Variants in RREB1 observed in about 807,000 individuals in gnomAD.
The protein encoded by RREB1 is ras-responsive element-binding protein 1.
Under a neutral mutation model 117.8 loss-of-function variants are expected in RREB1, and 27 were observed. That is an observed-to-expected ratio of 0.23 (90% CI 0.17 to 0.32). RREB1 has a LOEUF of 0.32. Among genes scored for constraint, RREB1 ranks in the 10% least tolerant of loss-of-function variants. The probability of loss-of-function intolerance (pLI) is 1.00; values close to 1 mark genes in which losing one functional copy is unlikely to be tolerated. For synonymous variants in RREB1, 1,298 were observed against 1,026.7 expected (o/e 1.26, Z -5.05); for missense variants, 2,577 against 2,378.2 (o/e 1.08, Z -1.74).
intron 12 of RREB1, among the ~76,000 whole-genome samples, 187 bp from the exon 13 acceptor site, chr6:7,248,324 C>T (rs547172106): frequency 6.6e-6 from 1 of 152,204 alleles, no homozygotes; most frequent in Non-Finnish European, 1.5e-5. Flanking sequence ...AGACTGACAG[C>T]TTGAACCAGC....
intron 1 of RREB1, among the ~76,000 whole-genome samples, chr6:7,115,358 C>G (rs370774483): frequency 6.7e-6 from 1 of 149,024 alleles, no homozygotes. Flanking sequence ...CCTTCCCCCC[C>G]ACCCCCCAGC....
At chr6:7,128,052 C>A (rs768262092) in intron 1 of RREB1, among the ~76,000 whole-genome samples, 2 of 152,026 alleles carry the variant, frequency 1.3e-5, no homozygotes, top group Non-Finnish European at 2.9e-5. Context: ...TTTTCAGAGT[C>A]CTCTGGGGAA....
chr6:7,226,574 A>G lies in RREB1; in HGVS notation c.815A>G (p.Gln272Arg). ...PRDAMGRPFI[Q>R]NNPSIPAGFH... Reference sequence around the variant, plus strand: ...GATGCAATGGGCAGACCTTTCATACAGAACAACCCTTCAATTCCTGCTGGC... The same window carrying G: ...GATGCAATGGGCAGACCTTTCATACGGAACAACCCTTCAATTCCTGCTGGC... The change falls in exon 9 of 13, where the codon CAG becomes CGG. Residue 272 changes from glutamine (Q) to arginine (R), a missense_variant. By Grantham distance (43) the Gln-to-Arg change is conservative. Coordinates refer to ENST00000379938, the MANE Select transcript of RREB1 (RefSeq NM_001003699.4). 2 of 1,614,198 alleles carry G rather than the reference A, an allele frequency of 1.2e-6. No individual in the cohort carries two copies. Among genetic ancestry groups the G allele is most frequent in the Non-Finnish European group, 1.7e-6 (2 of 1,180,026 alleles).
intron 8 of RREB1, among the ~76,000 whole-genome samples, chr6:7,225,932 C>T (rs1261680952): frequency 6.6e-6 from 1 of 152,102 alleles, no homozygotes; most frequent in Non-Finnish European, 1.5e-5. Context: ...ATGCTAATAC[C>T]ACAACTTAAT....
At chr6:7,117,388 G>GTTTTTTTTTTTTTTTTTTTTT (rs70978941) in intron 1 of RREB1, among the ~76,000 whole-genome samples, 6 of 63,290 alleles carry the variant, frequency 9.5e-5, no homozygotes, top group Non-Finnish European at 1.6e-4. Context: ...TAGGTTTCCT[G>GTTTTTTTTTTTTTTTTTTTTT]TTTTTTTTTT....
intron 10 of RREB1, among the ~76,000 whole-genome samples, chr6:7,233,481 A>T (rs750108466): frequency 9.9e-5 from 15 of 152,240 alleles, no homozygotes; most frequent in Non-Finnish European, 1.8e-4. Flanking sequence ...ATGGTACTGG[A>T]TTGGTGAATA....
chr6:7,151,453 C>A (rs551971268), intron 1 of RREB1, among the ~76,000 whole-genome samples: 307 of 152,328 alleles, frequency 2.0e-3, no homozygotes, highest in Middle Eastern at 0.01. Context: ...CAGGCCCTGG[C>A]AACCTCTGTG....
intron 1 of RREB1, among the ~76,000 whole-genome samples, chr6:7,149,067 C>T (rs901281663): frequency 1.3e-5 from 2 of 152,032 alleles, no homozygotes; most frequent in Non-Finnish European, 2.9e-5. Flanking sequence ...GGACTAGAGG[C>T]GCGTGCTACC....
At chr6:7,126,485 T>G (rs1415354398) in intron 1 of RREB1, among the ~76,000 whole-genome samples, 1 of 151,052 alleles carries the variant, frequency 6.6e-6, no homozygotes, top group Non-Finnish European at 1.5e-5. Flanking sequence ...GTCAGGCTGG[T>G]CTTAAACTCC....
At chr6:7,248,441 TGTGCAGAGCAGG>T in intron 12 of RREB1, 58 bp from the exon 13 acceptor site, 1 of 1,357,552 alleles carries the variant, frequency 7.4e-7, no homozygotes, top group Non-Finnish European at 1.0e-6. Flanking sequence ...TCATTCTTCC[TGTGCAGAGCAGG>T]GTGCAGTGGG....
Position 7,230,014 on chromosome 6 carries a change from C to T in RREB1, c.1915C>T (p.Arg639Cys), listed in dbSNP as rs1471367167. ...APGGKKTPAM[R>C]KVLYPCRFCN... ...CGGCGGCAAGAAGACGCCCGCCATG[C>T]GCAAGGTGCTCTACCCCTGCCGCTT... The change falls in exon 10 of 13, where the codon CGC (arginine) becomes TGC (cysteine). Residue 639 changes from arginine to cysteine, a missense_variant. Arg to Cys is a radical substitution (Grantham distance 180). Coordinates refer to ENST00000379938, the MANE Select transcript of RREB1 (RefSeq NM_001003699.4). The T allele has an allele frequency of 2.5e-6, 4 of 1,609,968 alleles. No individual in the cohort carries two copies. Among genetic ancestry groups the T allele is most frequent in the Non-Finnish European group, 1.7e-6 (2 of 1,177,330 alleles).
chr6:7,211,924 T>C lies in RREB1; in HGVS notation c.707+215T>C, dbSNP rs1211898743. Reference sequence around the variant, plus strand: ...CACAGGGTGTTCACATGGTTCACTGTGCCTTCTTTCTCTCAGCAAAGCCCC... The same window carrying C: ...CACAGGGTGTTCACATGGTTCACTGCGCCTTCTTTCTCTCAGCAAAGCCCC... On this transcript the variant is annotated intron_variant, in intron 8 of 12. Coordinates refer to ENST00000379938, the MANE Select transcript of RREB1 (RefSeq NM_001003699.4). The C allele has an allele frequency of 7.1e-6, 4 of 565,316 alleles. 1 individual carries two copies. The East Asian group carries it at 1.2e-4, about 17-fold the overall frequency. The allele number at this position is 565,316 out of a possible 1,614,324, so 35.0% of individuals were successfully genotyped here. A position where few individuals can be genotyped will look rare whatever the true frequency, so the allele number is the denominator to read the frequency against.
At chr6:7,190,652 G>C (rs1051307618) in intron 6 of RREB1, among the ~76,000 whole-genome samples, 2 of 152,186 alleles carry the variant, frequency 1.3e-5, no homozygotes, top group Non-Finnish European at 1.5e-5. Flanking sequence ...CAAAGGAATT[G>C]AATAGTGTTA....
At chr6:7,148,898 G>A (rs140136650) in intron 1 of RREB1, among the ~76,000 whole-genome samples, 53 of 152,228 alleles carry the variant, frequency 3.5e-4, no homozygotes, top group Non-Finnish European at 7.2e-4. Flanking sequence ...TTCAGATGAT[G>A]TCCAAATACC....
intron 6 of RREB1, among the ~76,000 whole-genome samples, chr6:7,196,218 G>GTTTTTTTTTTTGTTTTTTTTTTT (rs1765661799): frequency 7.4e-5 from 9 of 121,448 alleles, no homozygotes; most frequent in Non-Finnish European, 1.2e-4. Flanking sequence ...TTTTTTTTTC[G>GTTTTTTTTTTTGTTTTTTTTTTT]TTTTTTTTTT....
In RREB1 at chr6:7,236,349, C is replaced by T. The variant is rs182030585; in HGVS notation, c.3809-4089C>T. Among the ~76,000 whole-genome samples, 5 of 152,152 alleles carry T rather than the reference C, an allele frequency of 3.3e-5. No homozygotes were observed. The East Asian group carries it at 7.7e-4, about 23-fold the overall frequency. On this transcript the variant is annotated intron_variant, in intron 10 of 12. Coordinates refer to ENST00000379938, the MANE Select transcript of RREB1 (RefSeq NM_001003699.4). The stretch of plus-strand genomic sequence containing the variant: ...GGTGCTTTGAGCGCCTTTTTTGAGC[C>T]GGCTCAGGCTTTCCCCCCACACCCT...
At chr6:7,217,720 C>T (rs1427149343) in intron 8 of RREB1, 1 of 152,104 alleles carries the variant, frequency 6.6e-6, no homozygotes, top group Non-Finnish European at 1.5e-5. Flanking sequence ...TGAAATTTTT[C>T]TTCTGATACT....
chr6:7,207,013 G>C (rs1766313686), intron 6 of RREB1, among the ~76,000 whole-genome samples: 1 of 152,126 alleles, frequency 6.6e-6, no homozygotes, highest in Non-Finnish European at 1.5e-5. Context: ...GCAGGGGAGT[G>C]GTATGATTGG....
chr6:7,197,551 A>G (rs2113579176), intron 6 of RREB1, among the ~76,000 whole-genome samples: 1 of 152,304 alleles, frequency 6.6e-6, no homozygotes, highest in South Asian at 2.1e-4. Context: ...CAGATTACCC[A>G]TAATCCCAGC....
Sources: gnomAD v4.1 joint callset for allele counts (sites outside exome capture counted in the v4.1 genomes callset) on GRCh38, gnomAD v4.1.1 for gene constraint, MANE v1.5 for transcripts, NCBI Gene and HGNC (gene_info 2026-07-23, HGNC 2026-07-21) for gene names.